SUFU: variants seen among roughly 807,000 people sequenced by gnomAD.
SUFU encodes suppressor of fused homolog.
In SUFU, 7 loss-of-function variants were observed where a neutral mutation model predicts 58.9. The ratio of observed to expected loss-of-function variants is 0.12; its 90% CI spans 0.07 to 0.22. SUFU has a LOEUF of 0.22. Among genes scored for constraint, SUFU ranks in the 10% least tolerant of loss-of-function variants. The probability of loss-of-function intolerance (pLI) is 1.00; values close to 1 mark genes in which losing one functional copy is unlikely to be tolerated. For missense variants in SUFU, 451 were observed against 641.3 expected, an observed-to-expected ratio of 0.70 and a Z score of 3.20; for synonymous variants, 232 against 254.8, an observed-to-expected ratio of 0.91 and a Z score of 0.85.
chr10:102,563,524 G>T (rs1410378307), intron 3 of SUFU, among the ~76,000 whole-genome samples: 1 of 151,892 alleles, frequency 6.6e-6, no homozygotes, highest in Non-Finnish European at 1.5e-5. Context: ...AGCATGTTAA[G>T]GGCTGGGTGT....
Position 102,550,117 on chromosome 10 carries a change from A to G in SUFU, c.454+11A>G. 6.2e-7 allele frequency: 1 copy of G among 1,614,100 alleles called. No homozygotes were observed. Among genetic ancestry groups the G allele is most frequent in the South Asian group, 1.1e-5 (1 of 91,082 alleles). ...ACGTGTTCCAGTCAGGTAGGAGGCC[A>G]GGGCTGGCTGCTGTGCTGGTCCTTT... On this transcript the variant is annotated intron_variant, in intron 3 of 11. Coordinates refer to ENST00000369902, the MANE Select transcript of SUFU (RefSeq NM_016169.4).
chr10:102,612,798 C>G (rs531520644), intron 8 of SUFU, among the ~76,000 whole-genome samples: 1 of 152,308 alleles, frequency 6.6e-6, no homozygotes, highest in Middle Eastern at 3.4e-3. Flanking sequence ...CTGAGCCCTT[C>G]GGCTCGTCAC....
chr10:102,554,107 C>T (rs1030653691), intron 3 of SUFU, among the ~76,000 whole-genome samples: 12 of 151,578 alleles, frequency 7.9e-5, no homozygotes, highest in African/African-American at 2.9e-4. Context: ...AAAACAAAAA[C>T]AAAAACAAAA....
chr10:102,557,402 A>G (rs993850230), intron 3 of SUFU, among the ~76,000 whole-genome samples: 2 of 152,138 alleles, frequency 1.3e-5, no homozygotes, highest in Admixed American at 6.5e-5. Context: ...CCTGGGCAAC[A>G]TGGTGAAACC....
intron 11 of SUFU, among the ~76,000 whole-genome samples, chr10:102,627,878 C>T (rs992806028): frequency 8.5e-5 from 13 of 152,270 alleles, no homozygotes; most frequent in South Asian, 2.1e-4. Context: ...CCCTTGTTCC[C>T]GGCATCCTTA....
intron 6 of SUFU, among the ~76,000 whole-genome samples, chr10:102,595,047 T>C (rs10748826): frequency 0.45 from 68,948 of 151,970 alleles, 16,049 homozygotes; most frequent in East Asian, 0.68. Flanking sequence ...TGGGCTTCTC[T>C]TGAAGCAGGA....
intron 3 of SUFU, among the ~76,000 whole-genome samples, chr10:102,552,027 A>T (rs1392723957): frequency 6.6e-6 from 1 of 152,022 alleles, no homozygotes; most frequent in East Asian, 1.9e-4. Context: ...GCCCGACCTT[A>T]TTATGTACCT....
At chr10:102,550,345 GC>G (rs2062899803) in intron 3 of SUFU, among the ~76,000 whole-genome samples, 1 of 152,258 alleles carries the variant, frequency 6.6e-6, no homozygotes, top group African/African-American at 2.4e-5. Flanking sequence ...GTTATGTTGT[GC>G]CACCCTGCAC....
intron 3 of SUFU, among the ~76,000 whole-genome samples, chr10:102,569,448 G>A (rs1259936861): frequency 6.6e-6 from 1 of 152,162 alleles, no homozygotes; most frequent in African/African-American, 2.4e-5. Context: ...AGGCTACTCA[G>A]ACTCTGTGGC....
intron 8 of SUFU, among the ~76,000 whole-genome samples, chr10:102,612,857 A>C (rs2063640877): frequency 6.6e-6 from 1 of 152,180 alleles, no homozygotes; most frequent in Non-Finnish European, 1.5e-5. Context: ...AAGGCTTGAC[A>C]ACAGAGCCTA....
intron 2 of SUFU, among the ~76,000 whole-genome samples, chr10:102,512,479 A>G (rs2062411812): frequency 1.3e-5 from 2 of 152,366 alleles, no homozygotes; most frequent in South Asian, 2.1e-4. Flanking sequence ...AACATGAAGA[A>G]TGTGATTGAG....
At chr10:102,520,212 CTTT>C (rs36020604) in intron 2 of SUFU, among the ~76,000 whole-genome samples, 7,274 of 113,778 alleles carry the variant, frequency 0.064, 376 homozygotes, top group African/African-American at 0.18. Flanking sequence ...TTTTTTCTTT[CTTT>C]TTTTTTTTTT....
intron 8 of SUFU, among the ~76,000 whole-genome samples, chr10:102,610,642 G>C (rs1206914038): frequency 6.6e-6 from 1 of 152,214 alleles, no homozygotes; most frequent in Non-Finnish European, 1.5e-5. Context: ...CAGCCTGTCT[G>C]CCTAGCCCTT....
At chr10:102,560,295 C>T (rs536584589) in intron 3 of SUFU, among the ~76,000 whole-genome samples, 10 of 152,168 alleles carry the variant, frequency 6.6e-5, no homozygotes, top group South Asian at 2.1e-4. Flanking sequence ...TTTGACCAGG[C>T]GCAGTGGCTC....
intron 3 of SUFU, among the ~76,000 whole-genome samples, chr10:102,553,080 C>T (rs930512662): frequency 6.6e-6 from 1 of 152,130 alleles, no homozygotes; most frequent in Admixed American, 6.6e-5. Flanking sequence ...GACGTCAGAA[C>T]GGGACAGGGT....
chr10:102,562,924 A>G (rs924373165), intron 3 of SUFU, among the ~76,000 whole-genome samples: 1 of 152,168 alleles, frequency 6.6e-6, no homozygotes, highest in Non-Finnish European at 1.5e-5. Context: ...GAGCACCAAT[A>G]TCATAGGTAC....
At chr10:102,627,859 G>GT (rs1433121512) in intron 11 of SUFU, among the ~76,000 whole-genome samples, 1 of 152,240 alleles carries the variant, frequency 6.6e-6, no homozygotes, top group South Asian at 2.1e-4. Context: ...AATCCCCTTT[G>GT]TTTTTTCTCC....
intron 8 of SUFU, among the ~76,000 whole-genome samples, chr10:102,604,029 G>T (rs2063539442): frequency 6.6e-6 from 1 of 152,216 alleles, no homozygotes; most frequent in Non-Finnish European, 1.5e-5. Context: ...TCGCACGAAG[G>T]GCAGTGTTGG....
At chr10:102,626,222 T>A (rs995188131) in intron 10 of SUFU, among the ~76,000 whole-genome samples, 2 of 151,772 alleles carry the variant, frequency 1.3e-5, no homozygotes, top group South Asian at 2.1e-4. Flanking sequence ...CGTGGTGGGG[T>A]GCAGACCTGG....
Sources: gnomAD v4.1 joint callset for allele counts (sites outside exome capture counted in the v4.1 genomes callset) on GRCh38, gnomAD v4.1.1 for gene constraint, MANE v1.5 for transcripts, NCBI Gene and HGNC (gene_info 2026-07-23, HGNC 2026-07-21) for gene names.